Variants in ANO10 observed in about 807,000 individuals in gnomAD.
ANO10 encodes the protein anoctamin 10, also known as anoctamin-10.
In ANO10, 77 loss-of-function variants were observed where a neutral mutation model predicts 74.7. The observed-to-expected ratio is 1.03, with a 90% CI of 0.86 to 1.25. The LOEUF (loss-of-function observed/expected upper bound fraction) is 1.25, where lower values mean the gene tolerates loss of function less well. Ranked by LOEUF, ANO10 falls within the 50% of genes most tolerant of loss-of-function variation. The probability of loss-of-function intolerance (pLI) is 0.00; values close to 1 mark genes in which losing one functional copy is unlikely to be tolerated. For synonymous variants in ANO10, 279 were observed against 284.9 expected, an observed-to-expected ratio of 0.98 and a Z score of 0.21; for missense variants, 721 against 778.1, an observed-to-expected ratio of 0.93 and a Z score of 0.87.
chr3:43,488,085 A>G (rs2076569544), intron 11 of ANO10, among the ~76,000 whole-genome samples: 1 of 152,076 alleles, frequency 6.6e-6, no homozygotes, highest in Admixed American at 6.6e-5. Context: ...TCCCTATTTA[A>G]TAAATGGTGC....
At chr3:43,544,376 G>C (rs2079086505) in intron 11 of ANO10, among the ~76,000 whole-genome samples, 1 of 151,772 alleles carries the variant, frequency 6.6e-6, no homozygotes, top group Non-Finnish European at 1.5e-5. Flanking sequence ...AATTTTTAAA[G>C]GCAACACTAG....
At position 43,607,613 on chromosome 3, in the gene ANO10, C is replaced by A. The variant is rs375189530; in HGVS notation, c.-11-1750G>T. Among the ~76,000 whole-genome samples, 4 of 151,916 alleles carry A rather than the reference C, an allele frequency of 2.6e-5. No individual in the cohort carries two copies. The South Asian group carries it at 8.3e-4, about 32-fold the overall frequency. Reference sequence around the variant, plus strand: ...ATAGTGAAGGAGAATTAGATCACCCCGATAGGAACTAAATTCTAGGTTTGC... The same window carrying A: ...ATAGTGAAGGAGAATTAGATCACCCAGATAGGAACTAAATTCTAGGTTTGC... On this transcript the variant is annotated intron_variant, in intron 1 of 12. Transcript: ENST00000292246.
intron 11 of ANO10, among the ~76,000 whole-genome samples, chr3:43,521,402 G>A (rs940571521): frequency 6.6e-6 from 1 of 152,098 alleles, no homozygotes; most frequent in Non-Finnish European, 1.5e-5. Flanking sequence ...GCTGAGTCTG[G>A]CCATAAAATG....
At chr3:43,550,945 ACT>A (rs961693177) in intron 10 of ANO10, among the ~76,000 whole-genome samples, 2 of 151,832 alleles carry the variant, frequency 1.3e-5, no homozygotes, top group African/African-American at 4.8e-5. Flanking sequence ...GAATATATAC[ACT>A]CTTTCCTACT....
At chr3:43,606,304 G>A (rs1283667256) in intron 1 of ANO10, among the ~76,000 whole-genome samples, 1 of 152,174 alleles carries the variant, frequency 6.6e-6, no homozygotes, top group Non-Finnish European at 1.5e-5. Context: ...AAGAGGCTTA[G>A]AGAAATACAA....
At chr3:43,563,768 C>G (rs1261010910) in intron 8 of ANO10, among the ~76,000 whole-genome samples, 1 of 152,104 alleles carries the variant, frequency 6.6e-6, no homozygotes, top group Non-Finnish European at 1.5e-5. Context: ...ACAAATATCA[C>G]AGGCTCCCAC....
intron 7 of ANO10, among the ~76,000 whole-genome samples, chr3:43,567,114 G>A (rs1272600039): frequency 2.6e-5 from 4 of 152,136 alleles, no homozygotes; most frequent in Non-Finnish European, 4.4e-5. Flanking sequence ...GAAATGAAGT[G>A]AGAAGGGAAG....
intron 12 of ANO10, among the ~76,000 whole-genome samples, chr3:43,399,943 G>T (rs149733404): frequency 5.1e-4 from 78 of 152,184 alleles, no homozygotes; most frequent in African/African-American, 1.8e-3. Flanking sequence ...GAACTGCCCA[G>T]GTGCTGGCCT....
chr3:43,561,451 C>A, intron 8 of ANO10, 49 bp from the exon 9 acceptor site: 1 of 1,494,586 alleles, frequency 6.7e-7, no homozygotes, highest in South Asian at 1.2e-5. Context: ...CTTAATAAAA[C>A]TATAGCATTT....
rs540732534 is a variant in ANO10, at chr3:43,442,533, T to C, written c.1798-9806A>G. Among the ~76,000 whole-genome samples the C allele has an allele frequency of 3.3e-5, 5 of 152,222 alleles. No individual in the cohort carries two copies. In the East Asian group the frequency reaches 5.8e-4, roughly 18 times the overall value. On this transcript the variant is annotated intron_variant, in intron 11 of 12. Coordinates refer to ENST00000292246, the MANE Select transcript of ANO10 (RefSeq NM_018075.5). ...GACCACAAAACATTGCCACAAGAAA[T>C]TGAATAAGACACAAATAAATGAAAA...
intron 12 of ANO10, 88 bp from the exon 13 acceptor site, chr3:43,367,062 G>T: frequency 7.7e-7 from 1 of 1,306,096 alleles, no homozygotes; most frequent in Non-Finnish European, 1.1e-6. Flanking sequence ...CTGGCCAGCG[G>T]CTTTGACCCC....
chr3:43,473,598 C>T lies in ANO10; in HGVS notation c.1798-40871G>A, dbSNP rs866900135. Among the ~76,000 whole-genome samples the T allele has an allele frequency of 4.6e-5, 7 of 152,202 alleles. No individual in the cohort carries two copies. In the South Asian group the frequency reaches 1.4e-3, roughly 32 times the overall value. On this transcript the variant is annotated intron_variant, in intron 11 of 12. Coordinates refer to ENST00000292246, the MANE Select transcript of ANO10 (RefSeq NM_018075.5). ...AAAGAAATCCCATTCGCTCTTCTAC[C>T]ACTTTATGCCCAATACTGTTCCTAG...
intron 5 of ANO10, among the ~76,000 whole-genome samples, chr3:43,580,142 CAAA>C (rs546649985): frequency 9.7e-5 from 7 of 72,514 alleles, no homozygotes; most frequent in Non-Finnish European, 1.1e-4. Context: ...GACCCTATCT[CAAA>C]AAAAAAAAAA....
intron 11 of ANO10, among the ~76,000 whole-genome samples, chr3:43,484,439 G>A (rs1420353798): frequency 6.6e-6 from 1 of 152,160 alleles, no homozygotes; most frequent in Non-Finnish European, 1.5e-5. Flanking sequence ...CACATTAATG[G>A]AGATATCTCT....
chr3:43,493,151 T>C (rs996929233), intron 11 of ANO10, among the ~76,000 whole-genome samples: 4 of 152,164 alleles, frequency 2.6e-5, no homozygotes, highest in Non-Finnish European at 4.4e-5. Flanking sequence ...AAGGAAGCCA[T>C]CGTTCTCAGT....
chr3:43,672,176 T>C lies in ANO10; in HGVS notation c.-12+19341A>G, dbSNP rs548444477. Among the ~76,000 whole-genome samples the C allele has an allele frequency of 1.1e-4, 16 of 152,308 alleles. 1 individual carries two copies. The East Asian group carries it at 3.1e-3, about 29-fold the overall frequency. On this transcript the variant is annotated intron_variant, in intron 1 of 3. Coordinates refer to the ANO10 transcript ENST00000413397. The stretch of plus-strand genomic sequence containing the variant: ...ATTACCTGGATGGCACTTATGCATG[T>C]GTGTTCATTATGATTTGTGACAATC...
intron 1 of ANO10, chr3:43,690,791 T>C (rs912292113): frequency 1.7e-5 from 8 of 461,312 alleles, no homozygotes; most frequent in Non-Finnish European, 3.0e-5. Flanking sequence ...AACTAGTGCA[T>C]GCTGGCTGGG....
At chr3:43,566,476 C>A (rs1437703128) in intron 7 of ANO10, among the ~76,000 whole-genome samples, 2 of 152,224 alleles carry the variant, frequency 1.3e-5, no homozygotes, top group Non-Finnish European at 2.9e-5. Flanking sequence ...TCCCAGCACG[C>A]AGCTGGAGAT....
chr3:43,387,648 A>C (rs1052958675), intron 12 of ANO10, among the ~76,000 whole-genome samples: 1 of 152,190 alleles, frequency 6.6e-6, no homozygotes, highest in Admixed American at 6.5e-5. Flanking sequence ...TGAACACCAT[A>C]AACACTGTGG....
Sources: allele counts gnomAD v4.1 joint callset (sites outside exome capture counted in the v4.1 genomes callset), GRCh38; gene constraint gnomAD v4.1.1; transcripts MANE v1.5; gene names NCBI Gene and HGNC (gene_info 2026-07-23, HGNC 2026-07-21).